PALM2AKAP2: variants seen among roughly 807,000 people sequenced by gnomAD.
PALM2AKAP2 encodes the protein PALM2-AKAP2 fusion protein.
Under a neutral mutation model 71.5 loss-of-function variants are expected in PALM2AKAP2, and 37 were observed. That is an observed-to-expected ratio of 0.52 (90% CI 0.40 to 0.68). PALM2AKAP2 has a LOEUF of 0.68. PALM2AKAP2 is among the 30% of genes least tolerant of loss of function. PALM2AKAP2 has a pLI of 0.00. For synonymous variants in PALM2AKAP2, 468 were observed against 478.8 expected (o/e 0.98, Z 0.29); for missense variants, 1,224 against 1,191.8 (o/e 1.03, Z -0.40).
intron 6 of PALM2AKAP2, among the ~76,000 whole-genome samples, chr9:110,001,695 A>G (rs1832684009): frequency 6.6e-6 from 1 of 152,120 alleles, no homozygotes; most frequent in African/African-American, 2.4e-5. Flanking sequence ...TTCATTGAGC[A>G]GTGGTTTGTA....
intron 1 of PALM2AKAP2, among the ~76,000 whole-genome samples, chr9:110,059,411 G>A (rs1387592795): frequency 6.6e-6 from 1 of 152,038 alleles, no homozygotes; most frequent in South Asian, 2.1e-4. Context: ...TTAGTTGTTG[G>A]TACTAGAATA....
At chr9:110,025,313 A>G (rs1417958033) in intron 7 of PALM2AKAP2, 17 of 1,208,002 alleles carry the variant, frequency 1.4e-5, no homozygotes, top group Non-Finnish European at 2.1e-5. Context: ...AAAGGCCTAG[A>G]GAACATATGT....
rs538159993 is a variant in PALM2AKAP2, at chr9:110,005,535, C to G, written c.497-10419C>G. On this transcript the variant is annotated intron_variant, in intron 6 of 9. Coordinates refer to the PALM2AKAP2 transcript ENST00000302798. ...ATCTCCAGCTGTGTGCTGGGAGAAC[C>G]ACTACTCTCTTCAAAGCTGTCAGAC... Among the ~76,000 whole-genome samples the G allele has an allele frequency of 3.9e-5, 6 of 152,296 alleles. No individual in the cohort carries two copies. In the East Asian group the frequency reaches 1.2e-3, roughly 29 times the overall value.
chr9:109,770,162 T>G (rs1285838501), intron 1 of PALM2AKAP2, among the ~76,000 whole-genome samples: 2 of 152,110 alleles, frequency 1.3e-5, no homozygotes, highest in Non-Finnish European at 2.9e-5. Context: ...CCAGACTTCT[T>G]GTGCTCTTCC....
intron 6 of PALM2AKAP2, among the ~76,000 whole-genome samples, chr9:110,005,085 G>T (rs574318496): frequency 4.1e-4 from 62 of 152,288 alleles, no homozygotes; most frequent in Admixed American, 5.2e-4. Context: ...GCATTCCTTT[G>T]GGGGAGGAGA....
intron 6 of PALM2AKAP2, among the ~76,000 whole-genome samples, chr9:109,973,127 C>G (rs532620076): frequency 2.0e-4 from 30 of 152,216 alleles, no homozygotes; most frequent in Middle Eastern, 3.4e-3. Flanking sequence ...AAATCTACTT[C>G]TTTTTTATGC....
At chr9:109,890,305 T>C (rs1472827546) in intron 3 of PALM2AKAP2, among the ~76,000 whole-genome samples, 1 of 152,160 alleles carries the variant, frequency 6.6e-6, no homozygotes, top group African/African-American at 2.4e-5. Flanking sequence ...TTTCACTGTG[T>C]AGGCCACAGG....
chr9:109,885,569 C>G (rs1015473250), intron 3 of PALM2AKAP2, among the ~76,000 whole-genome samples: 1 of 152,092 alleles, frequency 6.6e-6, no homozygotes, highest in Non-Finnish European at 1.5e-5. Flanking sequence ...AGAAACCCCC[C>G]AAGGAGAGTG....
At chr9:109,827,879 A>G (rs950053163) in intron 1 of PALM2AKAP2, among the ~76,000 whole-genome samples, 2 of 152,224 alleles carry the variant, frequency 1.3e-5, no homozygotes, top group African/African-American at 4.8e-5. Context: ...CAAAAGGGAA[A>G]AAAGGTCTCT....
At chr9:109,737,654 C>T (rs1828657528) in intron 1 of PALM2AKAP2, among the ~76,000 whole-genome samples, 1 of 152,198 alleles carries the variant, frequency 6.6e-6, no homozygotes, top group South Asian at 2.1e-4. Flanking sequence ...CTACTGACCT[C>T]ATAGTAACAG....
intron 1 of PALM2AKAP2, among the ~76,000 whole-genome samples, chr9:109,824,547 G>A (rs1206576046): frequency 6.6e-6 from 1 of 152,220 alleles, no homozygotes; most frequent in East Asian, 1.9e-4. Context: ...AATACCCTGT[G>A]TGAGGCCCTA....
upstream of PALM2AKAP2, chr9:110,048,685 T>G (rs1457564904): frequency 6.5e-7 from 1 of 1,533,062 alleles, no homozygotes; most frequent in African/African-American, 1.4e-5. Flanking sequence ...GCCCGGAGGC[T>G]ACCACTCCCT....
intron 1 of PALM2AKAP2, among the ~76,000 whole-genome samples, chr9:109,785,202 A>C (rs909747195): frequency 6.6e-6 from 1 of 152,248 alleles, no homozygotes; most frequent in Non-Finnish European, 1.5e-5. Context: ...GAAATAGGAA[A>C]TGCTAATCTA....
chr9:109,715,126 A>C (rs1828297506), intron 1 of PALM2AKAP2, among the ~76,000 whole-genome samples: 2 of 152,222 alleles, frequency 1.3e-5, no homozygotes, highest in African/African-American at 2.4e-5. Context: ...AAACAGGCAT[A>C]ATAATAGCTG....
At chr9:109,824,514 T>G (rs900992419) in intron 1 of PALM2AKAP2, among the ~76,000 whole-genome samples, 2 of 152,212 alleles carry the variant, frequency 1.3e-5, no homozygotes, top group Non-Finnish European at 1.5e-5. Flanking sequence ...AGGATAGTTC[T>G]GCTTTCACAG....
intron 1 of PALM2AKAP2, among the ~76,000 whole-genome samples, chr9:109,718,408 A>G (rs1828360108): frequency 6.6e-6 from 1 of 152,116 alleles, no homozygotes; most frequent in African/African-American, 2.4e-5. Flanking sequence ...GGTATTACAC[A>G]AAAATGTTTG....
intron 3 of PALM2AKAP2, among the ~76,000 whole-genome samples, chr9:109,888,434 C>T (rs531540284): frequency 6.6e-6 from 1 of 152,206 alleles, no homozygotes; most frequent in Admixed American, 6.5e-5. Flanking sequence ...GTTGGCTGGG[C>T]ACTGTGGCTC....
At position 110,091,657 on chromosome 9, in the gene PALM2AKAP2, T is replaced by G. The variant is rs1294153746; in HGVS notation, c.156+42802T>G. Reference sequence around the variant, plus strand: ...TTTTGTATTTTTAGTAGAGATGGGGTTTCACCGTGTTAGCCAGGATGGTCT... The same window carrying G: ...TTTTGTATTTTTAGTAGAGATGGGGGTTCACCGTGTTAGCCAGGATGGTCT... On this transcript the variant is annotated intron_variant, in intron 1 of 3. Transcript: ENST00000374525. Among the ~76,000 whole-genome samples the G allele has an allele frequency of 3.3e-5, 5 of 152,010 alleles. No individual in the cohort carries two copies. The South Asian group carries it at 6.2e-4, about 19-fold the overall frequency.
intron 1 of PALM2AKAP2, among the ~76,000 whole-genome samples, chr9:109,644,165 G>A (rs892100070): frequency 6.6e-6 from 1 of 152,094 alleles, no homozygotes; most frequent in Admixed American, 6.5e-5. Flanking sequence ...TACCTGGAGG[G>A]GGACATCCAA....
Sources: allele counts gnomAD v4.1 joint callset (sites outside exome capture counted in the v4.1 genomes callset), GRCh38; gene constraint gnomAD v4.1.1; transcripts MANE v1.5; gene names NCBI Gene and HGNC (gene_info 2026-07-23, HGNC 2026-07-21).